Variants in FAM135B observed in about 807,000 individuals in gnomAD.
FAM135B encodes the protein protein FAM135B.
A neutral mutation model predicts 127.7 loss-of-function variants in FAM135B; 43 were observed. The observed-to-expected ratio is 0.34, with a 90% CI of 0.26 to 0.43. The LOEUF is 0.43. Ranked by LOEUF, FAM135B falls within the 20% of genes least tolerant of loss-of-function variation. The probability of loss-of-function intolerance (pLI) is 1.00; values close to 1 mark genes in which losing one functional copy is unlikely to be tolerated. For synonymous variants in FAM135B, 670 were observed against 665.1 expected, an observed-to-expected ratio of 1.01 and a Z score of -0.11; for missense variants, 1,558 against 1,725.6, an observed-to-expected ratio of 0.90 and a Z score of 1.72.
intron 1 of FAM135B, among the ~76,000 whole-genome samples, chr8:138,412,583 T>G (rs566359352): frequency 6.6e-6 from 1 of 152,292 alleles, no homozygotes; most frequent in Non-Finnish European, 1.5e-5. Flanking sequence ...CTGGTCCGAC[T>G]TTGCTTCTGT....
At chr8:138,151,079 T>G in intron 13 of FAM135B, 115 bp downstream of exon 13, 1 of 649,920 alleles carries the variant, frequency 1.5e-6, no homozygotes, top group Non-Finnish European at 2.5e-6. Context: ...ATTACCTTAT[T>G]TAAATCAGAA....
intron 11 of FAM135B, 52 bp downstream of exon 11, chr8:138,177,295 T>A: frequency 6.5e-7 from 1 of 1,540,576 alleles, no homozygotes; most frequent in Non-Finnish European, 9.0e-7. Flanking sequence ...TTGAACAGCA[T>A]GTCTTGGGTG....
rs543742346 is a variant in FAM135B at position 138,190,352 on chromosome 8, C to G, written c.873+4906G>C. 2.0e-5 allele frequency among the ~76,000 whole-genome samples: 3 copies of G among 152,292 alleles called. No homozygotes were observed. In the East Asian group the frequency reaches 5.8e-4, roughly 29 times the overall value. ...TGATAGGAATGGTTGGCTGGACATG[C>G]CTCAGTATACCTTCCTCCCTTTGGA... On this transcript the variant is annotated intron_variant, in intron 9 of 19. Transcript: ENST00000395297.
chr8:138,160,580 T>C (rs1586645131), intron 12 of FAM135B, among the ~76,000 whole-genome samples: 3 of 148,326 alleles, frequency 2.0e-5, no homozygotes, highest in Admixed American at 1.4e-4. Flanking sequence ...TGTATTTTAG[T>C]GGAGATGGGG....
intron 1 of FAM135B, among the ~76,000 whole-genome samples, chr8:138,426,435 C>T (rs1468125688): frequency 6.6e-6 from 1 of 151,306 alleles, no homozygotes; most frequent in Non-Finnish European, 1.5e-5. Context: ...TAAAACTAAG[C>T]ATGCATGTAC....
chr8:138,323,651 C>T (rs1204919203), intron 2 of FAM135B, among the ~76,000 whole-genome samples: 1 of 152,144 alleles, frequency 6.6e-6, no homozygotes, highest in African/African-American at 2.4e-5. Context: ...TAGTTAAGCA[C>T]AGGGTAAGTT....
Position 138,197,620 on chromosome 8 carries a change from C to A in FAM135B, c.719G>T (p.Trp240Leu). 1 of 1,614,174 alleles carries A rather than the reference C, an allele frequency of 6.2e-7. No individual in the cohort carries two copies. Among genetic ancestry groups the A allele is most frequent in the Non-Finnish European group, 8.5e-7 (1 of 1,180,028 alleles). Residue 240 changes from tryptophan to leucine, a missense_variant, in exon 8 of 20, where the codon TGG becomes TTG. Trp to Leu is a moderately conservative substitution (Grantham distance 61). Coordinates refer to ENST00000395297, the MANE Select transcript of FAM135B (RefSeq NM_015912.4). ...SENCMQHAHK[W>L]HRDLCLLLLH... ...GAGCAACAGGCACAGGTCTCGGTGC[C>A]ACTTGTGTGCGTGCTGCATGCAGTT...
intron 2 of FAM135B, among the ~76,000 whole-genome samples, chr8:138,359,272 A>G (rs1830268734): frequency 6.6e-6 from 1 of 152,212 alleles, no homozygotes; most frequent in East Asian, 1.9e-4. Context: ...TTTGTGCTAG[A>G]TGAAACACTG....
chr8:138,142,115 T>C (rs1284247488), intron 16 of FAM135B, among the ~76,000 whole-genome samples: 1 of 152,036 alleles, frequency 6.6e-6, no homozygotes, highest in Admixed American at 6.6e-5. Flanking sequence ...ATATGAAGAC[T>C]AAATGGGATA....
intron 1 of FAM135B, among the ~76,000 whole-genome samples, chr8:138,377,982 AG>A (rs1256437338): frequency 6.6e-6 from 1 of 152,236 alleles, no homozygotes; most frequent in Non-Finnish European, 1.5e-5. Context: ...TTCATTAAGA[AG>A]GGAGGATCCC....
chr8:138,429,433 C>A (rs1737136927), intron 1 of FAM135B, among the ~76,000 whole-genome samples: 2 of 152,142 alleles, frequency 1.3e-5, no homozygotes, highest in South Asian at 4.1e-4. Context: ...TGGGACGTGT[C>A]TGAATCCAAG....
intron 1 of FAM135B, among the ~76,000 whole-genome samples, chr8:138,452,086 C>T (rs1240053026): frequency 6.7e-6 from 1 of 148,272 alleles, no homozygotes; most frequent in Non-Finnish European, 1.5e-5. Context: ...TTTTATTATA[C>T]TATGACCCAC....
At position 138,142,999 on chromosome 8, in the gene FAM135B, G is replaced by A. The variant is rs192579199; in HGVS notation, c.3638+13C>T. On this transcript the variant is annotated intron_variant, in intron 16 of 19. Transcript: ENST00000395297. ...TCTTCCCCCAGCATTAACTACCTGT[G>A]GTTTCCTTTTACCTAATTCGGGATA... 9.9e-5 allele frequency: 140 copies of A among 1,411,776 alleles called. 1 individual carries two copies. The highest frequency in any genetic ancestry group is 2.3e-4 in the Admixed American group (14 of 59,702). 87.5% of individuals were successfully genotyped at this position (1,411,776 alleles called of 1,614,324 possible).
At chr8:138,448,065 G>A (rs967202652) in intron 1 of FAM135B, among the ~76,000 whole-genome samples, 22 of 150,638 alleles carry the variant, frequency 1.5e-4, no homozygotes, top group African/African-American at 5.4e-4. Context: ...AAATAAGAAA[G>A]CAGAGAAGTC....
intron 4 of FAM135B, among the ~76,000 whole-genome samples, chr8:138,260,122 C>T (rs1822433327): frequency 6.6e-6 from 1 of 152,190 alleles, no homozygotes; most frequent in African/African-American, 2.4e-5. Context: ...GCCTCCTACT[C>T]AGGGGTCAGC....
Position 138,226,351 on chromosome 8 carries a change from A to G in FAM135B, c.669+16591T>C, listed in dbSNP as rs571253037. Among the ~76,000 whole-genome samples, 62 of 152,188 alleles carry G rather than the reference A, an allele frequency of 4.1e-4. No homozygotes were observed. In the South Asian group the frequency reaches 7.1e-3, roughly 17 times the overall value. ...TGTTGTAAACTAAGACAAATGCACA[A>G]AAGGAAAGGAACAGAATTCTGTTAC... is the stretch of plus-strand genomic sequence containing the variant. On this transcript the variant is annotated intron_variant, in intron 7 of 19. Coordinates refer to ENST00000395297, the MANE Select transcript of FAM135B (RefSeq NM_015912.4).
In FAM135B at chr8:138,310,740, A is replaced by C. The variant is rs1472024273; in HGVS notation, c.157+101T>G. On this transcript the variant is annotated intron_variant, in intron 3 of 19. Coordinates refer to ENST00000395297, the MANE Select transcript of FAM135B (RefSeq NM_015912.4). Reference sequence around the variant, plus strand: ...TCCAACATTCACCACAGATTGACTGAGTATGTCTACATGCCTTGCACTCTG... The same window carrying C: ...TCCAACATTCACCACAGATTGACTGCGTATGTCTACATGCCTTGCACTCTG... 17 of 1,021,532 alleles carry C rather than the reference A, an allele frequency of 1.7e-5. No homozygotes were observed. The East Asian group carries it at 2.8e-4, about 17-fold the overall frequency. The allele number at this position is 1,021,532 out of a possible 1,614,324, so 63.3% of individuals were successfully genotyped here. A position where few individuals can be genotyped will look rare whatever the true frequency, so the allele number is the denominator to read the frequency against.
intron 1 of FAM135B, among the ~76,000 whole-genome samples, chr8:138,412,675 A>G (rs1027896780): frequency 6.6e-6 from 1 of 152,180 alleles, no homozygotes; most frequent in Non-Finnish European, 1.5e-5. Context: ...CTATGGTGCA[A>G]ATCTTTGACC....
At chr8:138,198,101 G>A (rs970692141) in intron 7 of FAM135B, among the ~76,000 whole-genome samples, 1 of 152,142 alleles carries the variant, frequency 6.6e-6, no homozygotes, top group Non-Finnish European at 1.5e-5. Flanking sequence ...TCATGGGAGG[G>A]ACCCAGTGGG....
Sources: gnomAD v4.1 joint callset for allele counts (sites outside exome capture counted in the v4.1 genomes callset) on GRCh38, gnomAD v4.1.1 for gene constraint, MANE v1.5 for transcripts, NCBI Gene and HGNC (gene_info 2026-07-23, HGNC 2026-07-21) for gene names.